Variants in ANKRD12 observed in about 807,000 individuals in gnomAD.
The protein encoded by ANKRD12 is ankyrin repeat domain-containing protein 12.
A neutral mutation model predicts 183.4 loss-of-function variants in ANKRD12; 85 were observed. The observed-to-expected ratio is 0.46, with a 90% confidence interval of 0.39 to 0.56. The LOEUF (loss-of-function observed/expected upper bound fraction) is 0.56. Ranked by LOEUF, ANKRD12 falls within the 20% of genes least tolerant of loss-of-function variation. The probability of loss-of-function intolerance (pLI) is 0.00; values close to 1 mark genes in which losing one functional copy is unlikely to be tolerated. For synonymous variants in ANKRD12, 914 were observed against 800.2 expected (o/e 1.14, Z -2.40); for missense variants, 2,405 against 2,357.1 (o/e 1.02, Z -0.42).
At chr18:9,190,629 A>G (rs938118913) in intron 2 of ANKRD12, among the ~76,000 whole-genome samples, 3 of 152,188 alleles carry the variant, frequency 2.0e-5, no homozygotes, top group Admixed American at 2.0e-4. Flanking sequence ...AGAAATTGTA[A>G]TAGCCACCCC....
intron 1 of ANKRD12, among the ~76,000 whole-genome samples, chr18:9,159,073 G>T (rs1417961323): frequency 3.3e-5 from 5 of 152,116 alleles, no homozygotes; most frequent in African/African-American, 1.2e-4. Context: ...AGATTATCCA[G>T]ACTCATCTTT....
intron 3 of ANKRD12, among the ~76,000 whole-genome samples, chr18:9,199,278 C>T (rs917246011): frequency 1.3e-5 from 2 of 151,866 alleles, no homozygotes; most frequent in Admixed American, 6.6e-5. Context: ...TAGAATAATA[C>T]GTAATATGGG....
chr18:9,241,326 T>G (rs530725429), intron 8 of ANKRD12, among the ~76,000 whole-genome samples: 1 of 152,288 alleles, frequency 6.6e-6, no homozygotes, highest in African/African-American at 2.4e-5. Context: ...TCATTTAACA[T>G]GTAGTTAAAA....
chr18:9,151,736 T>C (rs182088457), intron 1 of ANKRD12, among the ~76,000 whole-genome samples: 3 of 152,344 alleles, frequency 2.0e-5, no homozygotes, highest in Admixed American at 6.5e-5. Flanking sequence ...AAGCTGGAAC[T>C]GAAATAAAGT....
chr18:9,235,523 C>T (rs1419982657), intron 8 of ANKRD12: 2 of 325,556 alleles, frequency 6.1e-6, no homozygotes, highest in African/African-American at 4.2e-5. Flanking sequence ...CAGTTGCTAA[C>T]ACCACATAAA....
chr18:9,271,432 C>T (rs545882289), intron 10 of ANKRD12, among the ~76,000 whole-genome samples: 10 of 152,104 alleles, frequency 6.6e-5, no homozygotes, highest in Admixed American at 3.3e-4. Flanking sequence ...GGCAGGAGAA[C>T]GGCGTGAACC....
At chr18:9,236,706 AAGAT>A (rs1598646254) in intron 8 of ANKRD12, among the ~76,000 whole-genome samples, 2 of 152,214 alleles carry the variant, frequency 1.3e-5, no homozygotes, top group Non-Finnish European at 2.9e-5. Flanking sequence ...AAACAGATGG[AAGAT>A]AGATAATATT....
chr18:9,275,033 AAAT>A (rs1340966331), intron 10 of ANKRD12, among the ~76,000 whole-genome samples: 3 of 151,960 alleles, frequency 2.0e-5, no homozygotes, highest in East Asian at 3.9e-4. Flanking sequence ...AAAAAAATTA[AAAT>A]AATAATTAGC....
intron 8 of ANKRD12, among the ~76,000 whole-genome samples, chr18:9,224,338 A>G (rs1223724836): frequency 2.0e-5 from 3 of 152,224 alleles, no homozygotes; most frequent in Non-Finnish European, 4.4e-5. Context: ...AGAGAGGGGT[A>G]GGTGCAGGCA....
intron 8 of ANKRD12, among the ~76,000 whole-genome samples, chr18:9,252,539 G>A (rs75802175): frequency 0.01 from 1,577 of 152,238 alleles, 22 homozygotes; most frequent in African/African-American, 0.036. Flanking sequence ...AAAAAAGTAG[G>A]CATCTTTTAA....
intron 10 of ANKRD12, among the ~76,000 whole-genome samples, chr18:9,275,101 A>G (rs566344130): frequency 6.6e-6 from 1 of 152,074 alleles, no homozygotes; most frequent in South Asian, 2.1e-4. Flanking sequence ...TGAGGTGGAA[A>G]GATTGCTTGA....
chr18:9,183,262 G>C (rs80089373), intron 2 of ANKRD12, among the ~76,000 whole-genome samples: 1,602 of 152,232 alleles, frequency 0.011, 23 homozygotes, highest in African/African-American at 0.037. Context: ...CAGCTTGTCA[G>C]TTTCTACAAA....
chr18:9,220,253 T>C (rs568697412), intron 7 of ANKRD12, among the ~76,000 whole-genome samples: 1 of 152,332 alleles, frequency 6.6e-6, no homozygotes, highest in East Asian at 1.9e-4. Context: ...TTTTTTAAGG[T>C]GTGATATGTT....
At chr18:9,261,683 C>G (rs954061286) in intron 9 of ANKRD12, among the ~76,000 whole-genome samples, 23 of 152,180 alleles carry the variant, frequency 1.5e-4, no homozygotes, top group African/African-American at 5.6e-4. Context: ...TTGCACCAAC[C>G]TAGAGTTGTC....
chr18:9,277,320 T>A (rs2039889269), intron 11 of ANKRD12, among the ~76,000 whole-genome samples: 1 of 144,974 alleles, frequency 6.9e-6, no homozygotes, highest in Non-Finnish European at 1.5e-5. Context: ...ACACCCTGTT[T>A]CTTTTTTTTT....
intron 10 of ANKRD12, 143 bp from the exon 11 acceptor site, chr18:9,275,381 G>A (rs1357266084): frequency 1.9e-6 from 1 of 539,294 alleles, no homozygotes; most frequent in African/African-American, 1.9e-5. Flanking sequence ...GCTGAGGTGG[G>A]AGGATTGCTT....
At chr18:9,235,679 G>A (rs868290160) in intron 8 of ANKRD12, 32 of 456,136 alleles carry the variant, frequency 7.0e-5, no homozygotes, top group African/African-American at 6.0e-4. Flanking sequence ...GCTCAGCGGA[G>A]CAAGTTGAAC....
rs571638918 is a variant in ANKRD12 at position 9,237,758 on chromosome 18, T to C, written c.943+15759T>C. On this transcript the variant is annotated intron_variant, in intron 8 of 12. Coordinates refer to ENST00000262126, the MANE Select transcript of ANKRD12 (RefSeq NM_015208.5). ...ATGGAGCGAAATCTGGAAGGATGTA[T>C]ACCAGGCCATTAAGGAGACGTGTCT... Among the ~76,000 whole-genome samples the C allele has an allele frequency of 1.0e-3, 157 of 152,306 alleles. 2 individuals carry two copies. Among genetic ancestry groups the C allele is most frequent in the African/African-American group, 3.6e-3 (150 of 41,560 alleles).
intron 10 of ANKRD12, among the ~76,000 whole-genome samples, chr18:9,274,577 G>C (rs527496639): frequency 6.6e-6 from 1 of 152,320 alleles, no homozygotes; most frequent in South Asian, 2.1e-4. Context: ...AATGACTGCT[G>C]ATGGGTAGCA....
Sources: gnomAD v4.1 joint callset for allele counts (sites outside exome capture counted in the v4.1 genomes callset) on GRCh38, gnomAD v4.1.1 for gene constraint, MANE v1.5 for transcripts, NCBI Gene and HGNC (gene_info 2026-07-23, HGNC 2026-07-21) for gene names.